GALNTL6: variants seen among roughly 807,000 people sequenced by gnomAD.
The protein encoded by GALNTL6 is polypeptide N-acetylgalactosaminyltransferase like 6, also known as polypeptide N-acetylgalactosaminyltransferase-like 6.
A neutral mutation model predicts 73.7 loss-of-function variants in GALNTL6; 46 were observed. That is an observed-to-expected ratio of 0.62 (90% CI 0.49 to 0.80). The LOEUF (loss-of-function observed/expected upper bound fraction) is 0.80, where lower values mean the gene tolerates loss of function less well. GALNTL6 is among the 30% of genes least tolerant of loss of function. The pLI, the probability that GALNTL6 is intolerant of heterozygous loss-of-function variation, is 0.00. For synonymous variants in GALNTL6, 259 were observed against 263.7 expected (o/e 0.98, Z 0.17); for missense variants, 604 against 755.0 (o/e 0.80, Z 2.34).
chr4:171,901,880 A>C (rs1220400049), intron 2 of GALNTL6, among the ~76,000 whole-genome samples: 1 of 152,098 alleles, frequency 6.6e-6, no homozygotes, highest in Non-Finnish European at 1.5e-5. Context: ...TATTATAGTT[A>C]ATTTTATAAT....
intron 5 of GALNTL6, among the ~76,000 whole-genome samples, chr4:172,661,563 T>A (rs1266443184): frequency 2.6e-5 from 4 of 152,192 alleles, no homozygotes; most frequent in Non-Finnish European, 5.9e-5. Flanking sequence ...ATTTTAATTA[T>A]AATATTCTTT....
intron 2 of GALNTL6, among the ~76,000 whole-genome samples, chr4:171,879,376 A>G (rs890055382): frequency 6.6e-6 from 1 of 152,144 alleles, no homozygotes; most frequent in African/African-American, 2.4e-5. Context: ...CTTTTTTTCT[A>G]CATTTTTATA....
intron 5 of GALNTL6, among the ~76,000 whole-genome samples, chr4:172,451,209 G>T (rs1047768578): frequency 6.6e-6 from 1 of 152,200 alleles, no homozygotes; most frequent in Non-Finnish European, 1.5e-5. Context: ...GAGTCATCTA[G>T]ATATTGTCTT....
At chr4:172,707,490 ATAAC>A (rs2111312761) in intron 5 of GALNTL6, among the ~76,000 whole-genome samples, 1 of 152,348 alleles carries the variant, frequency 6.6e-6, no homozygotes, top group South Asian at 2.1e-4. Context: ...CATAACTGAA[ATAAC>A]TAACATGGGT....
At chr4:172,946,445 G>A (rs1010180988) in intron 9 of GALNTL6, among the ~76,000 whole-genome samples, 4 of 152,128 alleles carry the variant, frequency 2.6e-5, no homozygotes, top group African/African-American at 7.2e-5. Flanking sequence ...TCACAAGCCA[G>A]CAGGAAAAAT....
intron 2 of GALNTL6, among the ~76,000 whole-genome samples, chr4:172,000,358 A>G (rs145172244): frequency 0.012 from 1,782 of 152,308 alleles, 14 homozygotes; most frequent in Non-Finnish European, 0.016. Context: ...TTCATTCTGG[A>G]GGAGACCCTC....
chr4:172,235,156 AG>A (rs1340417683), intron 3 of GALNTL6, among the ~76,000 whole-genome samples: 2 of 4,162 alleles, frequency 4.8e-4, no homozygotes, highest in Non-Finnish European at 7.4e-3. Context: ...AGATATTGTT[AG>A]TTTTTTTTTT....
intron 5 of GALNTL6, among the ~76,000 whole-genome samples, chr4:172,535,560 G>A (rs532077485): frequency 6.6e-6 from 1 of 152,262 alleles, no homozygotes; most frequent in African/African-American, 2.4e-5. Context: ...AAAAGAATAT[G>A]CCTTTGAACA....
intron 2 of GALNTL6, among the ~76,000 whole-genome samples, chr4:171,877,320 C>A (rs778752723): frequency 8.5e-5 from 13 of 152,090 alleles, no homozygotes; most frequent in Admixed American, 2.6e-4. Flanking sequence ...AAAGAAGCAG[C>A]CCTATCTTAA....
At chr4:172,482,378 A>G (rs1579114588) in intron 5 of GALNTL6, among the ~76,000 whole-genome samples, 1 of 152,218 alleles carries the variant, frequency 6.6e-6, no homozygotes, top group Admixed American at 6.5e-5. Context: ...TGCCGAGCCC[A>G]AGGAGGCGCT....
At chr4:172,482,955 T>C (rs1425350929) in intron 5 of GALNTL6, among the ~76,000 whole-genome samples, 1 of 152,188 alleles carries the variant, frequency 6.6e-6, no homozygotes, top group Non-Finnish European at 1.5e-5. Flanking sequence ...TTTTCTGCTT[T>C]GTAAAATGGG....
intron 2 of GALNTL6, among the ~76,000 whole-genome samples, chr4:171,980,678 C>T (rs902936724): frequency 2.6e-5 from 4 of 152,094 alleles, no homozygotes; most frequent in African/African-American, 9.7e-5. Flanking sequence ...TGTTCTTGTT[C>T]GTCGAAGTAC....
intron 5 of GALNTL6, among the ~76,000 whole-genome samples, chr4:172,381,100 G>C (rs754422757): frequency 5.3e-4 from 81 of 152,020 alleles, no homozygotes; most frequent in Admixed American, 4.6e-4. Context: ...AGAGTGAGGT[G>C]GAATAAACCT....
At chr4:171,905,271 A>G (rs1245233154) in intron 2 of GALNTL6, among the ~76,000 whole-genome samples, 3 of 152,180 alleles carry the variant, frequency 2.0e-5, no homozygotes, top group Non-Finnish European at 1.5e-5. Context: ...AGAGACACAC[A>G]TAGGCTCAAA....
At position 172,967,639 on chromosome 4, in the gene GALNTL6, G is replaced by A. The variant is rs189796679; in HGVS notation, c.1371+15381G>A. Among the ~76,000 whole-genome samples the A allele has an allele frequency of 2.0e-3, 285 of 145,096 alleles. 2 individuals carry two copies. The highest frequency in any genetic ancestry group is 7.5e-3 in the African/African-American group (277 of 37,024). On this transcript the variant is annotated intron_variant, in intron 10 of 12. Transcript: ENST00000506823. Reference sequence around the variant, plus strand: ...GGACTTCATGATATTATATTATTTTGGAACAGAGAGAGAGAGAGACCACAT... The same window carrying A: ...GGACTTCATGATATTATATTATTTTAGAACAGAGAGAGAGAGAGACCACAT...
At chr4:172,225,886 G>C (rs1736848173) in intron 2 of GALNTL6, among the ~76,000 whole-genome samples, 1 of 152,220 alleles carries the variant, frequency 6.6e-6, no homozygotes, top group Admixed American at 6.5e-5. Context: ...TATTAGTGTA[G>C]CAAATCCCCC....
chr4:172,691,185 C>T (rs974494404), intron 5 of GALNTL6, among the ~76,000 whole-genome samples: 2 of 152,082 alleles, frequency 1.3e-5, no homozygotes, highest in Non-Finnish European at 1.5e-5. Flanking sequence ...AGGTCATCAC[C>T]AACATGAACA....
chr4:171,943,250 C>A (rs1738602837), intron 2 of GALNTL6, among the ~76,000 whole-genome samples: 1 of 152,128 alleles, frequency 6.6e-6, no homozygotes, highest in Admixed American at 6.6e-5. Context: ...GGACATGATG[C>A]CCCTCGGGCA....
intron 3 of GALNTL6, among the ~76,000 whole-genome samples, chr4:172,261,667 T>C (rs1393002920): frequency 2.6e-5 from 4 of 151,470 alleles, no homozygotes; most frequent in African/African-American, 4.8e-5. Flanking sequence ...CTTGTTTCTC[T>C]AATTCCATGG....
Sources: gnomAD v4.1 joint callset for allele counts (sites outside exome capture counted in the v4.1 genomes callset) on GRCh38, gnomAD v4.1.1 for gene constraint, MANE v1.5 for transcripts, NCBI Gene and HGNC (gene_info 2026-07-23, HGNC 2026-07-21) for gene names.